Variants in FAM114A1 observed in about 807,000 individuals in gnomAD.
FAM114A1 encodes family with sequence similarity 114 member A1, also known as protein NOXP20.
Under a neutral mutation model 64.3 loss-of-function variants are expected in FAM114A1, and 62 were observed. The ratio of observed to expected loss-of-function variants is 0.96; its 90% confidence interval spans 0.79 to 1.19. FAM114A1 has a LOEUF of 1.19. FAM114A1 is among the 50% of genes most tolerant of loss of function. FAM114A1 has a pLI of 0.00. For missense variants in FAM114A1, 645 were observed against 676.3 expected (o/e 0.95, Z 0.51); for synonymous variants, 254 against 251.1 (o/e 1.01, Z -0.11).
At chr4:38,919,755 C>T (rs776046587) in intron 8 of FAM114A1, among the ~76,000 whole-genome samples, 2 of 152,178 alleles carry the variant, frequency 1.3e-5, no homozygotes, top group African/African-American at 2.4e-5. Flanking sequence ...ATCATCCCTG[C>T]TGACAGTCAT....
intron 3 of FAM114A1, among the ~76,000 whole-genome samples, chr4:38,891,089 C>T (rs1432605140): frequency 6.6e-6 from 1 of 152,212 alleles, no homozygotes; most frequent in African/African-American, 2.4e-5. Context: ...ACCACAGTCT[C>T]TCAGTTCCAA....
chr4:38,916,390 G>A (rs545132099), intron 8 of FAM114A1, among the ~76,000 whole-genome samples: 11 of 152,314 alleles, frequency 7.2e-5, no homozygotes, highest in East Asian at 1.9e-4. Flanking sequence ...CCAAGCAGAT[G>A]TTATAAATGA....
intron 12 of FAM114A1, among the ~76,000 whole-genome samples, chr4:38,933,393 A>G (rs1720823086): frequency 6.6e-6 from 1 of 152,188 alleles, no homozygotes; most frequent in Non-Finnish European, 1.5e-5. Context: ...TAGATTCACA[A>G]AATAGGCAAA....
rs56370212 is a variant in FAM114A1, at chr4:38,882,318, CAAAAAAAAAA to C, written c.348+3906_348+3915del. Among the ~76,000 whole-genome samples, 184 of 48,790 alleles carry C rather than the reference CAAAAAAAAAA, an allele frequency of 3.8e-3. 1 individual carries two copies. Among genetic ancestry groups the C allele is most frequent in the African/African-American group, 0.015 (161 of 10,862 alleles). 32.0% of individuals were successfully genotyped at this position (48,790 alleles called of 152,430 possible). A position where few individuals can be genotyped will look rare whatever the true frequency, so the allele number is the denominator to read the frequency against. ...TGGGCGACAGAGCGAGACTCCGTCT[CAAAAAAAAAA>C]AAAAAAAAAAAAAGTTTCTGACCAG... On this transcript the variant is annotated intron_variant, in intron 3 of 14. Coordinates refer to ENST00000358869, the MANE Select transcript of FAM114A1 (RefSeq NM_138389.4).
intron 7 of FAM114A1, among the ~76,000 whole-genome samples, chr4:38,913,388 G>A (rs1195225339): frequency 6.6e-6 from 1 of 152,112 alleles, no homozygotes; most frequent in Non-Finnish European, 1.5e-5. Flanking sequence ...GAATCTATAA[G>A]CTAATGTTCT....
In FAM114A1 at chr4:38,929,252, A is replaced by C. The variant is rs1453129973; in HGVS notation, c.1080A>C (p.Glu360Asp). ...EENQEEQGLEEKGEEFARMLT... is the reference protein window; with the variant it reads ...EENQEEQGLEDKGEEFARMLT... ...GTGTTCTATTTCTAGGCTTAGAAGAAAAGGGAGAAGAATTTGCTCGCATGC... is the reference window on the plus strand; with the variant it reads ...GTGTTCTATTTCTAGGCTTAGAAGACAAGGGAGAAGAATTTGCTCGCATGC... Residue 360 changes from glutamate (E) to aspartate (D), a missense_variant, in exon 10 of 15, where the codon GAA becomes GAC. Glu to Asp is a conservative substitution (Grantham distance 45). Transcript: ENST00000358869. The C allele has an allele frequency of 6.2e-7, 1 of 1,613,280 alleles. No individual in the cohort carries two copies. The highest frequency in any genetic ancestry group is 8.5e-7 in the Non-Finnish European group (1 of 1,179,312).
intron 8 of FAM114A1, among the ~76,000 whole-genome samples, 178 bp from the exon 9 acceptor site, chr4:38,922,592 G>C (rs966946541): frequency 2.0e-5 from 3 of 152,176 alleles, no homozygotes; most frequent in Non-Finnish European, 2.9e-5. Flanking sequence ...GAGACCCAGA[G>C]AGCTTATCTA....
intron 4 of FAM114A1, among the ~76,000 whole-genome samples, chr4:38,902,330 G>A (rs114223942): frequency 0.016 from 2,417 of 152,096 alleles, 81 homozygotes; most frequent in African/African-American, 0.054. Context: ...AATAAATGTC[G>A]GCCATAGCAG....
intron 4 of FAM114A1, among the ~76,000 whole-genome samples, chr4:38,894,973 C>T (rs1329179567): frequency 6.6e-6 from 1 of 152,178 alleles, no homozygotes; most frequent in East Asian, 1.9e-4. Flanking sequence ...TCACTTTTAC[C>T]TGAGGCAGCA....
intron 12 of FAM114A1, among the ~76,000 whole-genome samples, chr4:38,933,407 A>T (rs1222393600): frequency 6.6e-6 from 1 of 151,976 alleles, no homozygotes; most frequent in Non-Finnish European, 1.5e-5. Context: ...AGGCAAATAC[A>T]CTCCACTGCT....
At chr4:38,885,205 C>A (rs776560356) in intron 3 of FAM114A1, among the ~76,000 whole-genome samples, 1 of 152,086 alleles carries the variant, frequency 6.6e-6, no homozygotes, top group Non-Finnish European at 1.5e-5. Flanking sequence ...GAACTCCTGA[C>A]CTCAGGTGAT....
Position 38,932,244 on chromosome 4 carries a change from A to C in FAM114A1, c.1333A>C (p.Met445Leu). 2 of 1,603,576 alleles carry C rather than the reference A, an allele frequency of 1.2e-6. No homozygotes were observed. Among genetic ancestry groups the C allele is most frequent in the Non-Finnish European group, 1.7e-6 (2 of 1,177,602 alleles). The change falls in exon 12 of 15, where the codon ATG becomes CTG. Residue 445 changes from methionine (M) to leucine (L), a missense_variant. Coordinates refer to ENST00000358869, the MANE Select transcript of FAM114A1 (RefSeq NM_138389.4). ...TGTCTATTCATTTCAGGAAGTATACATGTCGTCCATTGAAAGTCTGGCGGA... is the reference window on the plus strand; with the variant it reads ...TGTCTATTCATTTCAGGAAGTATACCTGTCGTCCATTGAAAGTCTGGCGGA... ...KKTKTIEEVY[M>L]SSIESLAEVT...
intron 14 of FAM114A1, among the ~76,000 whole-genome samples, chr4:38,941,908 C>T (rs553362837): frequency 6.6e-6 from 1 of 152,298 alleles, no homozygotes; most frequent in East Asian, 1.9e-4. Flanking sequence ...CTGATAAAGA[C>T]ATACCTGAGA....
chr4:38,871,145 A>G (rs566490138), intron 2 of FAM114A1, among the ~76,000 whole-genome samples: 1 of 133,168 alleles, frequency 7.5e-6, no homozygotes, highest in East Asian at 2.2e-4. Flanking sequence ...GCTGGAGTGC[A>G]GTGGCATGAT....
intron 7 of FAM114A1, among the ~76,000 whole-genome samples, chr4:38,909,651 G>A (rs575147367): frequency 2.3e-4 from 35 of 152,228 alleles, no homozygotes; most frequent in Admixed American, 6.5e-4. Flanking sequence ...CCTCCTCCAC[G>A]AGAGACTGAT....
At chr4:38,891,277 T>C (rs1444272810) in intron 3 of FAM114A1, among the ~76,000 whole-genome samples, 1 of 152,144 alleles carries the variant, frequency 6.6e-6, no homozygotes, top group Non-Finnish European at 1.5e-5. Context: ...TTTTAGACAC[T>C]TTGCCCATCA....
At chr4:38,935,847 G>T in intron 13 of FAM114A1, 57 bp downstream of exon 13, 1 of 1,235,470 alleles carries the variant, frequency 8.1e-7, no homozygotes, top group South Asian at 1.3e-5. Flanking sequence ...TGTCTGTGAG[G>T]AAATGTGGAG....
rs111751498 is a variant in FAM114A1 at position 38,899,254 on chromosome 4, C to T, written c.437-6268C>T. Among the ~76,000 whole-genome samples the T allele has an allele frequency of 2.0e-3, 298 of 152,166 alleles. 3 individuals carry two copies. The highest frequency in any genetic ancestry group is 6.7e-3 in the African/African-American group (280 of 41,522). ...CAAGGGAGAAGCTGAACTGCAGTGT[C>T]GTTACAGCAGAGGTCTTAACCTATC... On this transcript the variant is annotated intron_variant, in intron 4 of 14. Coordinates refer to ENST00000358869, the MANE Select transcript of FAM114A1 (RefSeq NM_138389.4).
intron 6 of FAM114A1, 105 bp from the exon 7 acceptor site, chr4:38,908,487 A>G: frequency 1.8e-6 from 2 of 1,137,640 alleles, no homozygotes; most frequent in African/African-American, 1.6e-5. Context: ...GTGACTTTAT[A>G]TTGATTTTAA....
Sources: gnomAD v4.1 joint callset for allele counts (sites outside exome capture counted in the v4.1 genomes callset) on GRCh38, gnomAD v4.1.1 for gene constraint, MANE v1.5 for transcripts, NCBI Gene and HGNC (gene_info 2026-07-23, HGNC 2026-07-21) for gene names.